The following LGR5 variants were observed in gnomAD, a reference collection of about 807,000 sequenced individuals.
LGR5 encodes leucine rich repeat containing G protein-coupled receptor 5, also known as leucine-rich repeat-containing G protein-coupled receptor 5.
LGR5 carries 54 observed loss-of-function variants against 76.7 expected under a neutral mutation model. That is an observed-to-expected ratio of 0.70 (90% CI 0.57 to 0.88). LGR5 has a LOEUF of 0.88. LGR5 is among the 40% of genes least tolerant of loss of function. The pLI, the probability that LGR5 is intolerant of heterozygous loss-of-function variation, is 0.00. For synonymous variants in LGR5, 406 were observed against 421.9 expected (o/e 0.96, Z 0.46); for missense variants, 1,078 against 1,073.3 (o/e 1.00, Z -0.06).
intron 1 of LGR5, among the ~76,000 whole-genome samples, chr12:71,466,627 AT>A (rs1872873903): frequency 6.6e-6 from 1 of 152,074 alleles, no homozygotes; most frequent in Admixed American, 6.6e-5. Flanking sequence ...GCCAAAAAAA[AT>A]TGATCCTATA....
intron 1 of LGR5, among the ~76,000 whole-genome samples, chr12:71,484,189 T>C (rs1873730688): frequency 6.6e-6 from 1 of 152,082 alleles, no homozygotes; most frequent in African/African-American, 2.4e-5. Context: ...GAAAAACATG[T>C]AGAGAGAAAA....
At chr12:71,559,358 G>A (rs1052734743) in intron 6 of LGR5, among the ~76,000 whole-genome samples, 1 of 152,118 alleles carries the variant, frequency 6.6e-6, no homozygotes, top group African/African-American at 2.4e-5. Flanking sequence ...GTGCCATTGA[G>A]TCCTGACTCT....
At chr12:71,468,953 A>G (rs1872974090) in intron 1 of LGR5, among the ~76,000 whole-genome samples, 1 of 152,174 alleles carries the variant, frequency 6.6e-6, no homozygotes, top group Non-Finnish European at 1.5e-5. Flanking sequence ...AGAGCTGTAA[A>G]TAGCCCCCCA....
At chr12:71,452,371 G>A (rs1872284490) in intron 1 of LGR5, among the ~76,000 whole-genome samples, 1 of 152,208 alleles carries the variant, frequency 6.6e-6, no homozygotes, top group Non-Finnish European at 1.5e-5. Flanking sequence ...AGACTTGAAG[G>A]ACAGTCAGCA....
intron 6 of LGR5, 104 bp downstream of exon 6, chr12:71,556,794 C>T (rs1261081006): frequency 2.3e-6 from 2 of 858,614 alleles, no homozygotes; most frequent in Admixed American, 3.6e-5. Context: ...TGGTTAATTG[C>T]CTAAGCTTTC....
At chr12:71,570,391 C>G (rs191577347) in intron 11 of LGR5, among the ~76,000 whole-genome samples, 1 of 152,210 alleles carries the variant, frequency 6.6e-6, no homozygotes. Context: ...AACACTATGC[C>G]TTTATGTAGA....
chr12:71,462,232 A>C (rs1218626100), intron 1 of LGR5, among the ~76,000 whole-genome samples: 2 of 152,156 alleles, frequency 1.3e-5, no homozygotes, highest in African/African-American at 4.8e-5. Context: ...AGTCATACCC[A>C]GCTGTGCTCC....
At chr12:71,553,667 T>A (rs556213974) in intron 5 of LGR5, among the ~76,000 whole-genome samples, 2 of 152,272 alleles carry the variant, frequency 1.3e-5, no homozygotes, top group East Asian at 3.9e-4. Context: ...CTTCTTATTA[T>A]CTAATAAGAA....
chr12:71,515,032 C>T (rs1041548672), intron 2 of LGR5, among the ~76,000 whole-genome samples: 3 of 152,216 alleles, frequency 2.0e-5, no homozygotes, highest in South Asian at 2.1e-4. Context: ...TAAGCTCTTA[C>T]GTATCTGGTC....
chr12:71,552,403 A>T (rs963663036), intron 4 of LGR5, among the ~76,000 whole-genome samples: 2 of 151,946 alleles, frequency 1.3e-5, no homozygotes, highest in Non-Finnish European at 2.9e-5. Context: ...TGTCTCTACT[A>T]AAAATGTAAA....
Position 71,582,536 on chromosome 12 carries a change from C to A in LGR5, c.1633C>A (p.Pro545Thr), listed in dbSNP as rs1879137258. 1.2e-6 allele frequency: 2 copies of A among 1,610,904 alleles called. No homozygotes were observed. Among genetic ancestry groups the A allele is most frequent in the African/African-American group, 2.7e-5 (2 of 74,974 alleles). ...ALHSVQCSPSPGPFKPCEHLL... is the reference protein window; with the variant it reads ...ALHSVQCSPSTGPFKPCEHLL... ...TCATTCAGTGCAGTGTTCACCTTCCCCAGGTGAGAAAGGCATCAAAAATTC... is the reference window on the plus strand; with the variant it reads ...TCATTCAGTGCAGTGTTCACCTTCCACAGGTGAGAAAGGCATCAAAAATTC... The change falls in exon 17 of 18, where the codon CCA becomes ACA. Residue 545 changes from proline (P) to threonine (T), a missense_variant. Pro to Thr is a conservative substitution (Grantham distance 38). Transcript: ENST00000266674.
chr12:71,519,323 A>G (rs1875608818), intron 2 of LGR5, among the ~76,000 whole-genome samples: 1 of 152,206 alleles, frequency 6.6e-6, no homozygotes, highest in African/African-American at 2.4e-5. Flanking sequence ...CGTCACCGCC[A>G]CAACCACCAC....
rs544175344 is a variant in LGR5 at position 71,507,296 on chromosome 12, G to T, written c.284+2611G>T. Among the ~76,000 whole-genome samples, 147 of 152,260 alleles carry T rather than the reference G, an allele frequency of 9.7e-4. No individual in the cohort carries two copies. In the Middle Eastern group the frequency reaches 0.01, roughly 11 times the overall value. The stretch of plus-strand genomic sequence containing the variant: ...GGAAAGTGGAGGGACGGTTGGAATT[G>T]TGCATGGTTTATTTGCGCTTTTTTT... On this transcript the variant is annotated intron_variant, in intron 2 of 17. Coordinates refer to ENST00000266674, the MANE Select transcript of LGR5 (RefSeq NM_003667.4).
intron 1 of LGR5, among the ~76,000 whole-genome samples, chr12:71,479,310 C>A (rs528024969): frequency 1.3e-5 from 2 of 152,244 alleles, no homozygotes; most frequent in Admixed American, 6.5e-5. Context: ...TCCTCCCAAA[C>A]CTACAAAAAA....
chr12:71,564,979 G>A (rs1027397190), intron 8 of LGR5, among the ~76,000 whole-genome samples: 3 of 149,076 alleles, frequency 2.0e-5, no homozygotes, highest in East Asian at 3.9e-4. Context: ...GTATATATAC[G>A]TGTGTATATA....
chr12:71,452,790 A>G (rs767898431), intron 1 of LGR5, among the ~76,000 whole-genome samples: 11 of 152,212 alleles, frequency 7.2e-5, no homozygotes, highest in Non-Finnish European at 1.0e-4. Context: ...TCAATGCCTC[A>G]GTTTTCTCAT....
At chr12:71,520,238 G>A (rs78761942) in intron 2 of LGR5, among the ~76,000 whole-genome samples, 2 of 152,276 alleles carry the variant, frequency 1.3e-5, no homozygotes, top group Non-Finnish European at 2.9e-5. Flanking sequence ...AAGCAATTTT[G>A]ATATATGGTG....
chr12:71,570,976 T>C (rs925640184), intron 11 of LGR5, among the ~76,000 whole-genome samples: 1 of 152,244 alleles, frequency 6.6e-6, no homozygotes, highest in African/African-American at 2.4e-5. Flanking sequence ...TATTATACTA[T>C]AAATATGTCC....
chr12:71,499,223 T>C (rs1021954897), intron 1 of LGR5, among the ~76,000 whole-genome samples: 1 of 151,996 alleles, frequency 6.6e-6, no homozygotes, highest in South Asian at 2.1e-4. Flanking sequence ...AGCCTAGGTT[T>C]TGGGGCTAAG....
Sources: gnomAD v4.1 joint callset for allele counts (sites outside exome capture counted in the v4.1 genomes callset) on GRCh38, gnomAD v4.1.1 for gene constraint, MANE v1.5 for transcripts, NCBI Gene and HGNC (gene_info 2026-07-23, HGNC 2026-07-21) for gene names.